ENTPD1: variants seen among roughly 807,000 people sequenced by gnomAD.
The protein encoded by ENTPD1 is ectonucleoside triphosphate diphosphohydrolase 1.
In ENTPD1, 33 loss-of-function variants were observed where a neutral mutation model predicts 57.0. The observed-to-expected ratio is 0.58, with a 90% confidence interval of 0.44 to 0.77. The LOEUF (loss-of-function observed/expected upper bound fraction) is 0.77, where lower values mean the gene tolerates loss of function less well. Ranked by LOEUF, ENTPD1 falls within the 30% of genes least tolerant of loss-of-function variation. ENTPD1 has a pLI of 0.00. For synonymous variants in ENTPD1, 202 were observed against 218.8 expected (o/e 0.92, Z 0.68); for missense variants, 501 against 603.4 (o/e 0.83, Z 1.78).
chr10:95,800,478 G>C (rs1005532372), intron 1 of ENTPD1, among the ~76,000 whole-genome samples: 1 of 152,132 alleles, frequency 6.6e-6, no homozygotes, highest in Non-Finnish European at 1.5e-5. Context: ...GGGTTTGAGA[G>C]CAGACAACCA....
intron 1 of ENTPD1, among the ~76,000 whole-genome samples, chr10:95,801,085 A>G (rs2098247557): frequency 6.6e-6 from 1 of 152,200 alleles, no homozygotes. Flanking sequence ...AATTTTGGGA[A>G]CTGATAAATG....
intron 7 of ENTPD1, 60 bp from the exon 8 acceptor site, chr10:95,860,409 A>T: frequency 7.2e-7 from 1 of 1,398,100 alleles, no homozygotes. Context: ...GGCCTTTAGG[A>T]GAGCAAGTTG....
At chr10:95,712,055 G>A (rs1379406525) in intron 1 of ENTPD1, 17 of 1,609,678 alleles carry the variant, frequency 1.1e-5, no homozygotes, top group Non-Finnish European at 1.4e-5. Flanking sequence ...TGGTAGAGCC[G>A]ATGGTAAAAA....
At chr10:95,790,674 A>G (rs1287558044) in intron 1 of ENTPD1, among the ~76,000 whole-genome samples, 1 of 152,182 alleles carries the variant, frequency 6.6e-6, no homozygotes, top group East Asian at 1.9e-4. Flanking sequence ...ATTTTAAGCA[A>G]ATCTCAAATA....
At chr10:95,771,033 C>G (rs1388970835) in intron 1 of ENTPD1, among the ~76,000 whole-genome samples, 1 of 152,032 alleles carries the variant, frequency 6.6e-6, no homozygotes, top group Non-Finnish European at 1.5e-5. Flanking sequence ...TTCTCTTGTT[C>G]CCTCTCTTTG....
chr10:95,772,320 G>T (rs2098118518), intron 1 of ENTPD1, among the ~76,000 whole-genome samples: 1 of 152,180 alleles, frequency 6.6e-6, no homozygotes, highest in South Asian at 2.1e-4. Context: ...GGTGCTGTTT[G>T]ATAACATTTT....
At chr10:95,716,138 T>C (rs954269353) in intron 1 of ENTPD1, among the ~76,000 whole-genome samples, 1 of 152,230 alleles carries the variant, frequency 6.6e-6, no homozygotes, top group African/African-American at 2.4e-5. Context: ...AGTGTTGGTA[T>C]TGCAGGTATG....
rs187593414 is a variant in ENTPD1 at position 95,712,891 on chromosome 10, G to A, written c.37+898G>A. ...CTACTAAAAATACAAAAAATTAGCC[G>A]GGTGTGGTGGCGGACGCCTGTAGTC... On this transcript the variant is annotated intron_variant, in intron 1 of 9. Transcript: ENST00000453258. Among the ~76,000 whole-genome samples the A allele has an allele frequency of 3.2e-3, 492 of 152,244 alleles. 4 individuals are homozygous for A. The highest frequency in any genetic ancestry group is 4.5e-3 in the Non-Finnish European group (307 of 68,016).
At chr10:95,814,651 C>T (rs946970700) in intron 1 of ENTPD1, among the ~76,000 whole-genome samples, 8 of 152,026 alleles carry the variant, frequency 5.3e-5, no homozygotes, top group African/African-American at 9.7e-5. Flanking sequence ...AGCCAGGCTA[C>T]GTTGTTAAGA....
In ENTPD1 at chr10:95,870,789, C is replaced by T. The variant is rs1331780808; in HGVS notation, c.*4406C>T. 2.0e-6 allele frequency: 2 copies of T among 985,316 alleles called. No individual in the cohort carries two copies. Among genetic ancestry groups the T allele is most frequent in the Non-Finnish European group, 2.4e-6 (2 of 829,944 alleles). 61.0% of individuals were successfully genotyped at this position (985,316 alleles called of 1,614,324 possible). A position where few individuals can be genotyped will look rare whatever the true frequency, so the allele number is the denominator to read the frequency against. ...AGCTGCTCATAACTAGCTTTGCTTA[C>T]TAACCATGTTTCTTTCCATTTGTAT... On this transcript the variant is annotated 3_prime_UTR_variant, in exon 10 of 10. Transcript: ENST00000371205.
intron 2 of ENTPD1, chr10:95,833,798 G>T: frequency 6.5e-6 from 1 of 153,220 alleles, no homozygotes; most frequent in South Asian, 1.8e-4. Flanking sequence ...ATGATGCCTT[G>T]AACTCTGCAT....
intron 2 of ENTPD1, among the ~76,000 whole-genome samples, chr10:95,830,596 A>C (rs1356941657): frequency 6.6e-6 from 1 of 152,166 alleles, no homozygotes; most frequent in Non-Finnish European, 1.5e-5. Flanking sequence ...ACTTGAGGTC[A>C]GGAGTTCGAC....
the ENTPD1 span, among the ~76,000 whole-genome samples, chr10:95,703,381 T>C: frequency 1.3e-5 from 2 of 152,228 alleles, no homozygotes; most frequent in African/African-American, 2.4e-5. Flanking sequence ...AAAATTCAAT[T>C]GTATTCCTAT....
At chr10:95,856,855 T>C (rs2098455949) in intron 7 of ENTPD1, among the ~76,000 whole-genome samples, 1 of 150,996 alleles carries the variant, frequency 6.6e-6, no homozygotes, top group African/African-American at 2.4e-5. Context: ...TATAATTATA[T>C]AAATATGTAT....
chr10:95,839,870 T>C, intron 3 of ENTPD1, 62 bp downstream of exon 3: 1 of 1,533,448 alleles, frequency 6.5e-7, no homozygotes, highest in Non-Finnish European at 9.0e-7. Flanking sequence ...GAGAGGTGTA[T>C]GACCAGTAGA....
intron 1 of ENTPD1, among the ~76,000 whole-genome samples, chr10:95,820,960 A>G (rs2098348499): frequency 6.6e-6 from 1 of 152,246 alleles, no homozygotes; most frequent in African/African-American, 2.4e-5. Context: ...AAAACAAAAG[A>G]AGTTAACAAG....
chr10:95,735,301 G>A (rs1000334312), intron 1 of ENTPD1, among the ~76,000 whole-genome samples: 1 of 152,156 alleles, frequency 6.6e-6, no homozygotes, highest in South Asian at 2.1e-4. Context: ...TTATAGACGT[G>A]AGCCATCATG....
chr10:95,703,781 C>CAAAA, the ENTPD1 span, among the ~76,000 whole-genome samples: 1 of 73,420 alleles, frequency 1.4e-5, no homozygotes, highest in African/African-American at 5.3e-5. Flanking sequence ...GACTCTGTCT[C>CAAAA]AAAAAAAAAA....
rs529440592 is a variant in ENTPD1, at chr10:95,712,231, T to G, written c.37+238T>G. Among the ~76,000 whole-genome samples the G allele has an allele frequency of 1.1e-3, 167 of 152,332 alleles. 1 individual carries two copies. Among genetic ancestry groups the G allele is most frequent in the Non-Finnish European group, 1.9e-3 (130 of 68,032 alleles). On this transcript the variant is annotated intron_variant, in intron 1 of 9. Transcript: ENST00000453258. ...TAGTCTTTGTCTTTCCGTGTTGTTG[T>G]GTCATAAAGAAGGATGCCATAGGGT...
Sources: gnomAD v4.1 joint callset for allele counts (sites outside exome capture counted in the v4.1 genomes callset) on GRCh38, gnomAD v4.1.1 for gene constraint, MANE v1.5 for transcripts, NCBI Gene and HGNC (gene_info 2026-07-23, HGNC 2026-07-21) for gene names.